ANKRD24: variants seen among roughly 807,000 people sequenced by gnomAD.
ANKRD24 encodes ankyrin repeat domain 24, also known as ankyrin repeat domain-containing protein 24.
In ANKRD24, 109 loss-of-function variants were observed where a neutral mutation model predicts 127.8. The observed-to-expected ratio is 0.85, with a 90% confidence interval of 0.73 to 1.00. The LOEUF (loss-of-function observed/expected upper bound fraction) is 1.00. Among genes scored for constraint, ANKRD24 ranks in the 50% least tolerant of loss-of-function variants. The probability of loss-of-function intolerance (pLI) is 0.00; values close to 1 mark genes in which losing one functional copy is unlikely to be tolerated. For synonymous variants in ANKRD24, 743 were observed against 671.1 expected (o/e 1.11, Z -1.66); for missense variants, 1,648 against 1,570.2 (o/e 1.05, Z -0.84).
chr19:4,200,269 C>A, intron 5 of ANKRD24, 98 bp downstream of exon 5: 3 of 1,311,420 alleles, frequency 2.3e-6, no homozygotes, highest in South Asian at 1.4e-5. Context: ...CAATGTTCCC[C>A]GCTGAAAAAA....
At chr19:4,211,390 G>A (rs1969729242) in intron 13 of ANKRD24, among the ~76,000 whole-genome samples, 1 of 152,010 alleles carries the variant, frequency 6.6e-6, no homozygotes, top group African/African-American at 2.4e-5. Context: ...TGTAATCCCA[G>A]CACTTTGGGA....
intron 15 of ANKRD24, among the ~76,000 whole-genome samples, chr19:4,214,234 A>G (rs1969931674): frequency 6.6e-6 from 1 of 151,570 alleles, no homozygotes. Context: ...TGGCACGATC[A>G]TGGCTCACTG....
chr19:4,212,917 G>A (rs1211175117), intron 15 of ANKRD24, among the ~76,000 whole-genome samples: 3 of 152,220 alleles, frequency 2.0e-5, no homozygotes, highest in Non-Finnish European at 4.4e-5. Flanking sequence ...CGGATCACGA[G>A]GTCAGGAGAT....
chr19:4,188,646 A>G (rs993066756), intron 2 of ANKRD24, among the ~76,000 whole-genome samples: 17 of 151,940 alleles, frequency 1.1e-4, no homozygotes, highest in Non-Finnish European at 4.4e-5. Context: ...ACCCAGAGTG[A>G]TGGGATTACA....
At chr19:4,215,734 C>T (rs1970022513) in intron 15 of ANKRD24, among the ~76,000 whole-genome samples, 1 of 150,628 alleles carries the variant, frequency 6.6e-6, no homozygotes, top group Non-Finnish European at 1.5e-5. Flanking sequence ...ATGATCGCAC[C>T]ACTGCACTCC....
chr19:4,214,140 C>T (rs1969924845), intron 15 of ANKRD24, among the ~76,000 whole-genome samples: 1 of 152,090 alleles, frequency 6.6e-6, no homozygotes, highest in South Asian at 2.1e-4. Context: ...AGACAACATG[C>T]CCACAAATAC....
At chr19:4,220,802 G>A (rs1435219045) in intron 19 of ANKRD24, among the ~76,000 whole-genome samples, 3 of 152,024 alleles carry the variant, frequency 2.0e-5, no homozygotes, top group East Asian at 3.9e-4. Flanking sequence ...TGATCCGCCT[G>A]CCTCGGCCTC....
In ANKRD24 at chr19:4,216,811, G is replaced by A. The variant is rs751351411; in HGVS notation, c.1651G>A (p.Ala551Thr). Reference protein sequence around the residue: ...PTHMELNGSVAPETKVNGAET... With the variant: ...PTHMELNGSVTPETKVNGAET... ...CCACATGGAGCTAAATGGCTCAGTG[G>A]CTCCAGAAACCAAAGTTAACGGAGC... Residue 551 changes from alanine (A) to threonine (T), a missense_variant, in exon 18 of 22, where the codon GCT becomes ACT. Physicochemically the swap from Ala to Thr is moderately conservative, Grantham distance 58. Coordinates refer to ENST00000318934, the MANE Select transcript of ANKRD24 (RefSeq NM_001393985.1). The A allele has an allele frequency of 1.2e-6, 2 of 1,604,980 alleles. 1 individual carries two copies. Among genetic ancestry groups the A allele is most frequent in the South Asian group, 2.2e-5 (2 of 89,580 alleles).
intron 18 of ANKRD24, 61 bp from the exon 19 acceptor site, chr19:4,219,530 T>C: frequency 6.6e-7 from 1 of 1,515,382 alleles, no homozygotes. Context: ...ATATGAATTC[T>C]GGGGTCTAGC....
rs374456746 is a variant in ANKRD24, at chr19:4,195,230, G to T, written c.37-4453G>T. Among the ~76,000 whole-genome samples, 1 of 151,930 alleles carries T rather than the reference G, an allele frequency of 6.6e-6. No homozygotes were observed. The highest frequency in any genetic ancestry group is 2.1e-4 in the South Asian group (1 of 4,822). The stretch of plus-strand genomic sequence containing the variant: ...TGGGACTACAGGCGCCCACCACCAC[G>T]CCCGGCTAATTTTTTGTATTTTTAG... On this transcript the variant is annotated intron_variant, in intron 2 of 21. Coordinates refer to ENST00000318934, the MANE Select transcript of ANKRD24 (RefSeq NM_001393985.1). The surrounding 1 kb of genome is among the most constrained non-coding windows in gnomAD (Gnocchi z 4.2).
Position 4,195,413 on chromosome 19 carries a change from T to TTCCAACA in ANKRD24, c.37-4270_37-4269insTCCAACA, listed in dbSNP as rs1968666760. Among the ~76,000 whole-genome samples the TTCCAACA allele has an allele frequency of 6.6e-6, 1 of 151,986 alleles. No homozygotes were observed. Among genetic ancestry groups the TTCCAACA allele is most frequent in the Non-Finnish European group, 1.5e-5 (1 of 67,976 alleles). ...TGTATGGCATCCAGGAGGACAAGTG[T>TTCCAACA]AGGAGACAGTTGGAAACTGAAGCCC... is the stretch of plus-strand genomic sequence containing the variant. On this transcript the variant is annotated intron_variant, in intron 2 of 21. Coordinates refer to ENST00000318934, the MANE Select transcript of ANKRD24 (RefSeq NM_001393985.1). The surrounding 1 kb of genome is among the most constrained non-coding windows in gnomAD (Gnocchi z 4.2).
chr19:4,212,665 GGA>G lies in ANKRD24; in HGVS notation c.1168_1169del (p.Ser390PhefsTer16). ...AGAAGGAGAGCCTGGGACGGGAGGT[GGA>G]GAGTTTGCAGAGCCGGCTGTCCCTG... The part of the protein sequence containing the change: ...EEKESLGREV[E>X]SLQSRLSLLE... On this transcript the variant is annotated frameshift_variant, in exon 15 of 22. Transcript: ENST00000318934. LOFTEE classifies it high-confidence loss of function. 1 of 1,551,256 alleles carries G rather than the reference GGA, an allele frequency of 6.4e-7. No individual in the cohort carries two copies. The highest frequency in any genetic ancestry group is 1.2e-5 in the South Asian group (1 of 84,022).
intron 7 of ANKRD24, 118 bp downstream of exon 7, chr19:4,203,044 C>T: frequency 1.2e-6 from 1 of 821,688 alleles, no homozygotes; most frequent in Non-Finnish European, 1.8e-6. Context: ...CTCCTCCTTT[C>T]TTTCTTTCTT....
At chr19:4,205,034 A>G (rs1372851281) in intron 7 of ANKRD24, among the ~76,000 whole-genome samples, 1 of 152,080 alleles carries the variant, frequency 6.6e-6, no homozygotes, top group Non-Finnish European at 1.5e-5. Flanking sequence ...TCAGGAGATC[A>G]AGACCATCCT....
intron 18 of ANKRD24, among the ~76,000 whole-genome samples, chr19:4,218,520 G>A (rs1970261987): frequency 2.6e-5 from 4 of 151,774 alleles, no homozygotes; most frequent in African/African-American, 7.3e-5. Context: ...GGCTGGTCTT[G>A]AACTCCTGAC....
At chr19:4,207,436 A>G (rs1341496884) in intron 8 of ANKRD24, 65 bp from the exon 9 acceptor site, 6 of 1,578,814 alleles carry the variant, frequency 3.8e-6, no homozygotes, top group Non-Finnish European at 5.2e-6. Context: ...GGGCAGTTAT[A>G]TAGGCTTCTG....
In ANKRD24 at chr19:4,193,845, G is replaced by GAGGGAGGGAAAGAAGGA. The variant is rs573649233; in HGVS notation, c.37-5835_37-5834insGAGGGAAAGAAGGAAGG. On this transcript the variant is annotated intron_variant, in intron 2 of 21. Transcript: ENST00000318934. ...GAGCGAGACTCCGTCGGGAGGGAGG[G>GAGGGAGGGAAAGAAGGA]AGGAAGGAAGGAAGGAAGGAAGGAA... Among the ~76,000 whole-genome samples, 14 of 40,590 alleles carry GAGGGAGGGAAAGAAGGA rather than the reference G, an allele frequency of 3.4e-4. 3 individuals carry two copies. The highest frequency in any genetic ancestry group is 1.5e-3 in the African/African-American group (12 of 7,770). 26.6% of individuals were successfully genotyped at this position (40,590 alleles called of 152,430 possible).
intron 7 of ANKRD24, among the ~76,000 whole-genome samples, chr19:4,206,086 G>A (rs1455511951): frequency 7.7e-6 from 1 of 130,120 alleles, no homozygotes; most frequent in South Asian, 2.5e-4. Context: ...AGGTTGCAGT[G>A]AGCCGAGATC....
At position 4,210,350 on chromosome 19, in the gene ANKRD24, A is replaced by G. The variant is rs1969647442; in HGVS notation, c.1037A>G (p.His346Arg). The change falls in exon 13 of 22, where the codon CAC (histidine) becomes CGC (arginine). Residue 346 changes from histidine (H) to arginine (R), a missense_variant. By Grantham distance (29) the His-to-Arg change is conservative (BLOSUM62 0). Transcript: ENST00000318934. The part of the protein sequence containing the change: ...LLQKIRGLEQ[H>R]KERRQQESPE... The stretch of plus-strand genomic sequence containing the variant: ...CAGAAGATCCGGGGCCTGGAACAGC[A>G]CAAGGAACGGAGGCAGCAGGAGGTT... 6.4e-7 allele frequency: 1 copy of G among 1,569,512 alleles called. No individual in the cohort carries two copies. Among genetic ancestry groups the G allele is most frequent in the Non-Finnish European group, 8.6e-7 (1 of 1,157,822 alleles).
Sources: allele counts gnomAD v4.1 joint callset (sites outside exome capture counted in the v4.1 genomes callset), GRCh38; gene constraint gnomAD v4.1.1; non-coding constraint Gnocchi (gnomAD v3.1); transcripts MANE v1.5; gene names NCBI Gene and HGNC (gene_info 2026-07-23, HGNC 2026-07-21).